RNF144B: variants seen among roughly 807,000 people sequenced by gnomAD.
The protein encoded by RNF144B is ring finger protein 144B.
In RNF144B, 25 loss-of-function variants were observed where a neutral mutation model predicts 40.2. The ratio of observed to expected loss-of-function variants is 0.62; its 90% CI spans 0.45 to 0.87. The LOEUF is 0.87. RNF144B is among the 40% of genes least tolerant of loss of function. The probability of loss-of-function intolerance (pLI) is 0.00; values close to 1 mark genes in which losing one functional copy is unlikely to be tolerated. For missense variants in RNF144B, 365 were observed against 373.7 expected (o/e 0.98, Z 0.19); for synonymous variants, 145 against 136.3 (o/e 1.06, Z -0.44).
chr6:18,389,890 A>G (rs941839447), intron 1 of RNF144B, among the ~76,000 whole-genome samples: 3 of 152,168 alleles, frequency 2.0e-5, no homozygotes, highest in Admixed American at 6.5e-5. Context: ...ACCTGAAACA[A>G]ATGGTCAATA....
intron 1 of RNF144B, among the ~76,000 whole-genome samples, chr6:18,388,019 A>C (rs1562036213): frequency 1.3e-5 from 2 of 152,140 alleles, no homozygotes; most frequent in Admixed American, 6.5e-5. Flanking sequence ...ATACTACGAG[A>C]GCCATTCTCA....
rs773693529 is a variant in RNF144B, at chr6:18,450,518, C to T, written c.332-6637C>T. 6.6e-6 allele frequency among the ~76,000 whole-genome samples: 1 copy of T among 152,062 alleles called. No homozygotes were observed. Among genetic ancestry groups the T allele is most frequent in the South Asian group, 2.1e-4 (1 of 4,830 alleles). On this transcript the variant is annotated intron_variant, in intron 4 of 7. Transcript: ENST00000259939. This position sits in a 1 kb window ranked among gnomAD's most constrained non-coding sequence, Gnocchi z 4.7. ...TTCACTATGTTGGCCAGGCTGGTCT[C>T]GAACTCCTGACCTCAGGTGATCCAC... is the stretch of plus-strand genomic sequence containing the variant.
At chr6:18,433,921 C>T (rs1300983592) in intron 3 of RNF144B, among the ~76,000 whole-genome samples, 1 of 152,164 alleles carries the variant, frequency 6.6e-6, no homozygotes. Context: ...TTGATCCGCA[C>T]AGTGAGTGTT....
At position 18,434,690 on chromosome 6, in the gene RNF144B, C is replaced by T. The variant is rs543084818; in HGVS notation, c.271-4994C>T. Among the ~76,000 whole-genome samples, 6 of 152,226 alleles carry T rather than the reference C, an allele frequency of 3.9e-5. No individual in the cohort carries two copies. In the East Asian group the frequency reaches 7.7e-4, roughly 20 times the overall value. ...AGGCTGGAATGCAGTGGTGCGATCT[C>T]GGCTCACTGCAAGCTCCGCCTCCCA... On this transcript the variant is annotated intron_variant, in intron 3 of 7. Coordinates refer to ENST00000259939, the MANE Select transcript of RNF144B (RefSeq NM_182757.4). This position sits in a 1 kb window ranked among gnomAD's most constrained non-coding sequence, Gnocchi z 4.1.
Position 18,419,121 on chromosome 6 carries a change from G to C in RNF144B, c.166-8460G>C, listed in dbSNP as rs1236804940. ...TCAAATAACTTGGATGGACATTCAA[G>C]TTTGAGAAACATTGTCAGTAAGGTA... On this transcript the variant is annotated intron_variant, in intron 2 of 7. Transcript: ENST00000259939. This position sits in a 1 kb window ranked among gnomAD's most constrained non-coding sequence, Gnocchi z 4.6. Among the ~76,000 whole-genome samples, 2 of 152,150 alleles carry C rather than the reference G, an allele frequency of 1.3e-5. No individual in the cohort carries two copies. Among genetic ancestry groups the C allele is most frequent in the Admixed American group, 1.3e-4 (2 of 15,266 alleles).
chr6:18,446,004 C>T lies in RNF144B; in HGVS notation c.331+6260C>T, dbSNP rs780115438. ...TGGGCACTCCACTTTGTCTCAAATT[C>T]CTTATAGGTCATTAGTGTGAGAAGA... is the stretch of plus-strand genomic sequence containing the variant. On this transcript the variant is annotated intron_variant, in intron 4 of 7. Coordinates refer to ENST00000259939, the MANE Select transcript of RNF144B (RefSeq NM_182757.4). This position sits in a 1 kb window ranked among gnomAD's most constrained non-coding sequence, Gnocchi z 4.7. Among the ~76,000 whole-genome samples the T allele has an allele frequency of 3.3e-5, 5 of 152,132 alleles. No homozygotes were observed. Among genetic ancestry groups the T allele is most frequent in the Non-Finnish European group, 7.3e-5 (5 of 68,032 alleles).
Position 18,456,338 on chromosome 6 carries a change from T to C in RNF144B, c.332-817T>C, listed in dbSNP as rs1267944804. On this transcript the variant is annotated intron_variant, in intron 4 of 7. Coordinates refer to ENST00000259939, the MANE Select transcript of RNF144B (RefSeq NM_182757.4). The surrounding 1 kb of genome is among the most constrained non-coding windows in gnomAD (Gnocchi z 4.7). Reference sequence around the variant, plus strand: ...GCCACACCAGATACTGTTTAATCCCTAAACTATTTGATTATTTTCTTCCTT... The same window carrying C: ...GCCACACCAGATACTGTTTAATCCCCAAACTATTTGATTATTTTCTTCCTT... 6.6e-6 allele frequency among the ~76,000 whole-genome samples: 1 copy of C among 152,244 alleles called. No homozygotes were observed. Among genetic ancestry groups the C allele is most frequent in the Non-Finnish European group, 1.5e-5 (1 of 68,036 alleles).
At position 18,387,359 on chromosome 6, in the gene RNF144B, C is replaced by T. The variant is rs1651747949; in HGVS notation, c.-308C>T. ...TGCTACCGCTGCTGGCGAGCTGTGC[C>T]CCACGCTCCCGCTGCAACAGTCCCG... On this transcript the variant is annotated 5_prime_UTR_variant, in exon 1 of 8. Coordinates refer to ENST00000259939, the MANE Select transcript of RNF144B (RefSeq NM_182757.4). The T allele has an allele frequency of 1.7e-5, 20 of 1,150,648 alleles. No individual in the cohort carries two copies. The highest frequency in any genetic ancestry group is 3.3e-5 in the African/African-American group (2 of 60,792). The allele number at this position is 1,150,648 out of a possible 1,614,324, so 71.3% of individuals were successfully genotyped here.
At position 18,395,483 on chromosome 6, in the gene RNF144B, G is replaced by A. The variant is rs1794674753; in HGVS notation, c.-36-4016G>A. Among the ~76,000 whole-genome samples, 1 of 152,198 alleles carries A rather than the reference G, an allele frequency of 6.6e-6. No individual in the cohort carries two copies. The highest frequency in any genetic ancestry group is 1.5e-5 in the Non-Finnish European group (1 of 68,032). On this transcript the variant is annotated intron_variant, in intron 1 of 7. Coordinates refer to ENST00000259939, the MANE Select transcript of RNF144B (RefSeq NM_182757.4). The surrounding 1 kb of genome is among the most constrained non-coding windows in gnomAD (Gnocchi z 4.5). Reference sequence around the variant, plus strand: ...CATTCACAGGCATCTCAGGTGTGGGGAAATTCATTAGAGGCTTTCAGGATT... The same window carrying A: ...CATTCACAGGCATCTCAGGTGTGGGAAAATTCATTAGAGGCTTTCAGGATT...
rs1179877945 is a variant in RNF144B, at chr6:18,446,614, T to C, written c.331+6870T>C. Reference sequence around the variant, plus strand: ...GATGCTATGTCTTATATTTCTGTTATGTCACTCCATTTAGTTACACAAATG... The same window carrying C: ...GATGCTATGTCTTATATTTCTGTTACGTCACTCCATTTAGTTACACAAATG... On this transcript the variant is annotated intron_variant, in intron 4 of 7. Transcript: ENST00000259939. This position sits in a 1 kb window ranked among gnomAD's most constrained non-coding sequence, Gnocchi z 4.7. Among the ~76,000 whole-genome samples the C allele has an allele frequency of 6.6e-6, 1 of 152,220 alleles. No homozygotes were observed. Among genetic ancestry groups the C allele is most frequent in the African/African-American group, 2.4e-5 (1 of 41,466 alleles).
Position 18,459,878 on chromosome 6 carries a change from T to A in RNF144B, c.681+127T>A. 1 of 847,362 alleles carries A rather than the reference T, an allele frequency of 1.2e-6. No homozygotes were observed. 52.5% of individuals were successfully genotyped at this position (847,362 alleles called of 1,614,324 possible). Reference sequence around the variant, plus strand: ...TCCTGCAAAAGGAATTTATTTTTCTTAATGAGACTTACTAAGCCTGATACT... The same window carrying A: ...TCCTGCAAAAGGAATTTATTTTTCTAAATGAGACTTACTAAGCCTGATACT... On this transcript the variant is annotated intron_variant, in intron 6 of 7. Coordinates refer to ENST00000259939, the MANE Select transcript of RNF144B (RefSeq NM_182757.4). This position sits in a 1 kb window ranked among gnomAD's most constrained non-coding sequence, Gnocchi z 4.2.
At chr6:18,429,326 A>G (rs1010962282) in intron 3 of RNF144B, among the ~76,000 whole-genome samples, 12 of 147,736 alleles carry the variant, frequency 8.1e-5, no homozygotes, top group Admixed American at 4.1e-4. Context: ...GTGTGTATAG[A>G]TATATATACT....
At chr6:18,454,359 GT>G (rs1759281511) in intron 4 of RNF144B, among the ~76,000 whole-genome samples, 1 of 152,198 alleles carries the variant, frequency 6.6e-6, no homozygotes, top group South Asian at 2.1e-4. Flanking sequence ...GTTCAAGGGG[GT>G]TGGGAGAGAT....
Position 18,457,386 on chromosome 6 carries a change from A to G in RNF144B, c.536+27A>G, listed in dbSNP as rs1278329450. 6.5e-7 allele frequency: 1 copy of G among 1,542,820 alleles called. No individual in the cohort carries two copies. The highest frequency in any genetic ancestry group is 1.7e-5 in the Admixed American group (1 of 59,906). ...TAAGAAAGGAAACTTTGTCTTTGGGATTATTCACTAGTTTTCTTAGAAATT... is the reference window on the plus strand; with the variant it reads ...TAAGAAAGGAAACTTTGTCTTTGGGGTTATTCACTAGTTTTCTTAGAAATT... On this transcript the variant is annotated intron_variant, in intron 5 of 7. Transcript: ENST00000259939. The surrounding 1 kb of genome is among the most constrained non-coding windows in gnomAD (Gnocchi z 5.1).
Position 18,459,191 on chromosome 6 carries a change from A to G in RNF144B, c.537-416A>G, listed in dbSNP as rs565670212. Among the ~76,000 whole-genome samples, 5 of 152,284 alleles carry G rather than the reference A, an allele frequency of 3.3e-5. No individual in the cohort carries two copies. Among genetic ancestry groups the G allele is most frequent in the African/African-American group, 1.2e-4 (5 of 41,572 alleles). On this transcript the variant is annotated intron_variant, in intron 5 of 7. Transcript: ENST00000259939. This position sits in a 1 kb window ranked among gnomAD's most constrained non-coding sequence, Gnocchi z 4.2. ...AGGTCTTTTGAAAGTATTTGACATT[A>G]TTTTAAAGTGTTTATATTTGAGAAC...
At chr6:18,440,880 G>A (rs1448301054) in intron 4 of RNF144B, among the ~76,000 whole-genome samples, 4 of 141,382 alleles carry the variant, frequency 2.8e-5, no homozygotes, top group Non-Finnish European at 1.5e-5. Context: ...GATATATTAA[G>A]CTAAATATAC....
At chr6:18,437,863 T>C (rs2113512800) in intron 3 of RNF144B, among the ~76,000 whole-genome samples, 1 of 152,344 alleles carries the variant, frequency 6.6e-6, no homozygotes. Flanking sequence ...TAAACTGTAT[T>C]TGACATTTAT....
intron 1 of RNF144B, among the ~76,000 whole-genome samples, chr6:18,390,903 T>C (rs1257830229): frequency 1.3e-5 from 2 of 152,254 alleles, no homozygotes; most frequent in South Asian, 4.1e-4. Context: ...TCCTTCATGA[T>C]AAATTCCTGT....
chr6:18,457,194 C>T lies in RNF144B; in HGVS notation c.371C>T (p.Ala124Val). The change falls in exon 5 of 8, where the codon GCA becomes GTA. Residue 124 changes from alanine to valine, a missense_variant. Ala to Val is a moderately conservative substitution (Grantham distance 64). Coordinates refer to ENST00000259939, the MANE Select transcript of RNF144B (RefSeq NM_182757.4). This position sits in a 1 kb window ranked among gnomAD's most constrained non-coding sequence, Gnocchi z 5.1. ...CCCTACCGAACATGGTGTCCTGTTG[C>T]AGACTGTCAGACAGTGTGCCCTGTT... ...LDPYRTWCPV[A>V]DCQTVCPVAS... 2 of 1,614,078 alleles carry T rather than the reference C, an allele frequency of 1.2e-6. No individual in the cohort carries two copies. The highest frequency in any genetic ancestry group is 1.7e-6 in the Non-Finnish European group (2 of 1,179,986).
Sources: gnomAD v4.1 joint callset for allele counts (sites outside exome capture counted in the v4.1 genomes callset) on GRCh38, gnomAD v4.1.1 for gene constraint, Gnocchi (gnomAD v3.1) non-coding constraint, MANE v1.5 for transcripts, NCBI Gene and HGNC (gene_info 2026-07-23, HGNC 2026-07-21) for gene names.